MTOR: variants seen among roughly 807,000 people sequenced by gnomAD.
The protein encoded by MTOR is mechanistic target of rapamycin kinase.
A neutral mutation model predicts 319.8 loss-of-function variants in MTOR; 70 were observed. That is an observed-to-expected ratio of 0.22 (90% CI 0.18 to 0.27). The LOEUF (loss-of-function observed/expected upper bound fraction) is 0.27, where lower values mean the gene tolerates loss of function less well. Among genes scored for constraint, MTOR ranks in the 10% least tolerant of loss-of-function variants. The pLI, the probability that MTOR is intolerant of heterozygous loss-of-function variation, is 1.00. For synonymous variants in MTOR, 1,183 were observed against 1,211.4 expected, an observed-to-expected ratio of 0.98 and a Z score of 0.49; for missense variants, 1,890 against 3,274.4, an observed-to-expected ratio of 0.58 and a Z score of 10.32.
At chr1:11,144,837 G>T in intron 33 of MTOR, 82 bp from the exon 34 acceptor site, 1 of 1,529,056 alleles carries the variant, frequency 6.5e-7, no homozygotes, top group Non-Finnish European at 9.0e-7. Flanking sequence ...ATTCCTTCTG[G>T]TGTCAGGGTA....
chr1:11,215,516 C>A (rs771532277), intron 20 of MTOR, among the ~76,000 whole-genome samples: 9 of 152,164 alleles, frequency 5.9e-5, no homozygotes, highest in Non-Finnish European at 1.2e-4. Flanking sequence ...TCTTCCAACT[C>A]TTTGAGGACA....
chr1:11,249,167 T>C (rs1649253295), intron 6 of MTOR, among the ~76,000 whole-genome samples: 1 of 150,476 alleles, frequency 6.6e-6, no homozygotes, highest in Admixed American at 6.6e-5. Context: ...GAGGTTGCAG[T>C]GAGCCGAGAT....
chr1:11,248,827 A>G (rs1451843052), intron 6 of MTOR, among the ~76,000 whole-genome samples: 1 of 152,148 alleles, frequency 6.6e-6, no homozygotes, highest in Non-Finnish European at 1.5e-5. Context: ...AACAAAAAAC[A>G]AAAACTTAAC....
At chr1:11,138,340 G>C (rs1344394846) in intron 36 of MTOR, among the ~76,000 whole-genome samples, 2 of 152,158 alleles carry the variant, frequency 1.3e-5, no homozygotes, top group South Asian at 4.1e-4. Flanking sequence ...AAATCTCCAA[G>C]CTGCATATTT....
Position 11,109,479 on chromosome 1 carries a change from T to C in MTOR, c.7448-109A>G. ...CACTTTTGTAAGTGTTAAGCAATCC[T>C]TCCTCTATGTCCGTCTTTGTCCTCA... is the stretch of plus-strand genomic sequence containing the variant. On this transcript the variant is annotated intron_variant, in intron 55 of 57. Coordinates refer to ENST00000361445, the MANE Select transcript of MTOR (RefSeq NM_004958.4). The surrounding 1 kb of genome is among the most constrained non-coding windows in gnomAD (Gnocchi z 4.0). 1 of 1,222,966 alleles carries C rather than the reference T, an allele frequency of 8.2e-7. No homozygotes were observed. The highest frequency in any genetic ancestry group is 1.2e-6 in the Non-Finnish European group (1 of 842,268). 75.8% of individuals were successfully genotyped at this position (1,222,966 alleles called of 1,614,324 possible). A position where few individuals can be genotyped will look rare whatever the true frequency, so the allele number is the denominator to read the frequency against.
chr1:11,192,439 A>C, intron 28 of MTOR: 2 of 1,291,464 alleles, frequency 1.5e-6, no homozygotes, highest in Non-Finnish European at 2.2e-6. Context: ...GACTACAACA[A>C]CAGGGCCATT....
At chr1:11,113,493 A>G (rs1430202210) in intron 53 of MTOR, among the ~76,000 whole-genome samples, 1 of 152,210 alleles carries the variant, frequency 6.6e-6, no homozygotes, top group Non-Finnish European at 1.5e-5. Context: ...TTGAAGGGGC[A>G]TAGGTTTGTA....
intron 6 of MTOR, 54 bp downstream of exon 6, chr1:11,253,785 G>A (rs1355735363): frequency 8.1e-6 from 13 of 1,603,330 alleles, no homozygotes; most frequent in Admixed American, 3.4e-5. Flanking sequence ...GCCTTGCCTC[G>A]CTCACAGAAT....
rs1351314674 is a variant in MTOR, at chr1:11,130,540, T to C, written c.5602A>G (p.Lys1868Glu). The C allele has an allele frequency of 1.2e-6, 2 of 1,612,958 alleles. No individual in the cohort carries two copies. The highest frequency in any genetic ancestry group is 2.2e-5 in the East Asian group (1 of 44,850). The part of the protein sequence containing the change: ...NSPTPSPLQK[K>E]VTEDLSKTLL... ...GAAGGGAAGGGTACCTCAGTGACCT[T>C]CTTCTGCAGCGGCGATGGGGTGGGG... is the stretch of plus-strand genomic sequence containing the variant. Residue 1868 changes from lysine (K) to glutamate (E), a missense_variant, in exon 39 of 58, where the codon AAG becomes GAG. Physicochemically the swap from Lys to Glu is moderately conservative, Grantham distance 56 (BLOSUM62 1). Transcript: ENST00000361445.
intron 52 of MTOR, 143 bp from the exon 53 acceptor site, chr1:11,114,596 C>T (rs959443708): frequency 1.6e-6 from 2 of 1,235,798 alleles, no homozygotes; most frequent in African/African-American, 3.0e-5. Context: ...GAGAAGGAAT[C>T]AGGGCAGGAC....
chr1:11,201,046 C>T (rs911836901), intron 26 of MTOR, among the ~76,000 whole-genome samples: 2 of 151,338 alleles, frequency 1.3e-5, no homozygotes, highest in Admixed American at 6.6e-5. Context: ...AGTAAGTTTT[C>T]GGAGCCAGGT....
In MTOR at chr1:11,150,381, G is replaced by A. The variant is rs184473000; in HGVS notation, c.4470-155C>T. Among the ~76,000 whole-genome samples the A allele has an allele frequency of 2.6e-5, 4 of 152,246 alleles. No individual in the cohort carries two copies. In the East Asian group the frequency reaches 7.7e-4, roughly 29 times the overall value. ...CTAGGTCACATAATAGAGAATCAAT[G>A]GGCTATTTGTTGTTTCTATGACCCG... On this transcript the variant is annotated intron_variant, in intron 30 of 57. Transcript: ENST00000361445.
chr1:11,248,461 T>C (rs1649139991), intron 6 of MTOR, among the ~76,000 whole-genome samples: 1 of 152,218 alleles, frequency 6.6e-6, no homozygotes, highest in Admixed American at 6.5e-5. Flanking sequence ...GGAGCTCCCC[T>C]GCCAGCATCC....
intron 29 of MTOR, among the ~76,000 whole-genome samples, chr1:11,164,204 G>A (rs570639691): frequency 7.2e-5 from 11 of 151,780 alleles, no homozygotes; most frequent in East Asian, 1.9e-4. Flanking sequence ...GCTTGGTGGC[G>A]GGCGCCTGTA....
In MTOR at chr1:11,133,624, T is replaced by C. The variant is rs1290910636; in HGVS notation, c.5247-427A>G. On this transcript the variant is annotated intron_variant, in intron 37 of 57. Transcript: ENST00000361445. The surrounding 1 kb of genome is among the most constrained non-coding windows in gnomAD (Gnocchi z 4.0). ...ACTGCTACTGTATTCCAAGTGCTGC[T>C]TGAAATGCTTGGCATTGTACTCTTT... Among the ~76,000 whole-genome samples, 10 of 152,240 alleles carry C rather than the reference T, an allele frequency of 6.6e-5. No homozygotes were observed. Among genetic ancestry groups the C allele is most frequent in the Admixed American group, 5.9e-4 (9 of 15,282 alleles).
chr1:11,161,508 C>G (rs961576273), intron 29 of MTOR, among the ~76,000 whole-genome samples: 2 of 152,152 alleles, frequency 1.3e-5, no homozygotes, highest in Non-Finnish European at 2.9e-5. Context: ...TCTGACCCCC[C>G]AGTAGCCTAA....
intron 28 of MTOR, among the ~76,000 whole-genome samples, chr1:11,196,496 G>A (rs1302232330): frequency 2.0e-5 from 3 of 152,078 alleles, no homozygotes; most frequent in African/African-American, 7.2e-5. Context: ...GTTGCAAGAC[G>A]GATTGAACTA....
chr1:11,117,350 G>A (rs372619088), intron 49 of MTOR, among the ~76,000 whole-genome samples: 6 of 152,086 alleles, frequency 3.9e-5, no homozygotes, highest in Admixed American at 6.5e-5. Context: ...TAGTAGAGAC[G>A]GGGTTTCACT....
At chr1:11,132,445 C>A (rs1239876145) in intron 38 of MTOR, 1 of 152,178 alleles carries the variant, frequency 6.6e-6, no homozygotes, top group Non-Finnish European at 1.5e-5. Flanking sequence ...AAAGTATTGG[C>A]AAGCCAAGGA....
Sources: allele counts gnomAD v4.1 joint callset (sites outside exome capture counted in the v4.1 genomes callset), GRCh38; gene constraint gnomAD v4.1.1; non-coding constraint Gnocchi (gnomAD v3.1); transcripts MANE v1.5; gene names NCBI Gene and HGNC (gene_info 2026-07-23, HGNC 2026-07-21).